The following BMPR1B variants were observed in gnomAD, a reference collection of about 807,000 sequenced individuals.
BMPR1B encodes the protein bone morphogenetic protein receptor type 1B.
BMPR1B carries 12 observed loss-of-function variants against 59.1 expected under a neutral mutation model. That is an observed-to-expected ratio of 0.20 (90% confidence interval 0.13 to 0.33). The LOEUF (loss-of-function observed/expected upper bound fraction) is 0.33, where lower values mean the gene tolerates loss of function less well. Ranked by LOEUF, BMPR1B falls within the 10% of genes least tolerant of loss-of-function variation. BMPR1B has a pLI of 1.00. For synonymous variants in BMPR1B, 237 were observed against 207.3 expected (o/e 1.14, Z -1.23); for missense variants, 550 against 610.9 (o/e 0.90, Z 1.05).
intron 3 of BMPR1B, among the ~76,000 whole-genome samples, chr4:95,057,418 T>A (rs1727012149): frequency 6.6e-6 from 1 of 152,094 alleles, no homozygotes; most frequent in Non-Finnish European, 1.5e-5. Context: ...CTATTTTTGT[T>A]GTATTTTTAG....
chr4:94,890,313 C>G (rs1727340224), intron 2 of BMPR1B, among the ~76,000 whole-genome samples: 1 of 152,050 alleles, frequency 6.6e-6, no homozygotes. Flanking sequence ...AGGTAACCCC[C>G]TCTCCCCCAA....
intron 1 of BMPR1B, among the ~76,000 whole-genome samples, chr4:94,837,071 A>G (rs1163260130): frequency 7.0e-6 from 1 of 143,006 alleles, no homozygotes; most frequent in Non-Finnish European, 1.5e-5. Flanking sequence ...ATAGTTGTAG[A>G]TATGCGGCGT....
chr4:94,769,864 A>G (rs1722107098), intron 1 of BMPR1B, among the ~76,000 whole-genome samples: 1 of 152,246 alleles, frequency 6.6e-6, no homozygotes, highest in East Asian at 1.9e-4. Flanking sequence ...CTCAGTCTAA[A>G]CCACAGTGCT....
chr4:95,048,980 A>G (rs1726238127), intron 3 of BMPR1B, among the ~76,000 whole-genome samples: 1 of 152,204 alleles, frequency 6.6e-6, no homozygotes, highest in Admixed American at 6.5e-5. Flanking sequence ...TTTTTAAAAT[A>G]TTGCTAAATG....
intron 2 of BMPR1B, among the ~76,000 whole-genome samples, chr4:94,992,284 A>T (rs906466193): frequency 6.6e-6 from 1 of 152,262 alleles, no homozygotes; most frequent in African/African-American, 2.4e-5. Context: ...AAATTCAAGC[A>T]GTTCCTTGAG....
At chr4:95,091,907 T>C (rs979625969) in intron 3 of BMPR1B, among the ~76,000 whole-genome samples, 1 of 152,080 alleles carries the variant, frequency 6.6e-6, no homozygotes, top group Non-Finnish European at 1.5e-5. Context: ...ATTTTAACTT[T>C]TGTGTTATGT....
At chr4:94,966,174 C>T (rs997738155) in intron 2 of BMPR1B, among the ~76,000 whole-genome samples, 1 of 152,122 alleles carries the variant, frequency 6.6e-6, no homozygotes, top group African/African-American at 2.4e-5. Context: ...ATACTTAGTA[C>T]TGTGTTGTTT....
At chr4:94,904,381 T>G (rs1222325074) in intron 2 of BMPR1B, among the ~76,000 whole-genome samples, 2 of 152,080 alleles carry the variant, frequency 1.3e-5, no homozygotes, top group African/African-American at 4.8e-5. Context: ...AATGTTAGTC[T>G]GTTATTCTAA....
chr4:95,082,927 A>G (rs1012670401), intron 3 of BMPR1B, among the ~76,000 whole-genome samples: 3 of 149,868 alleles, frequency 2.0e-5, no homozygotes, highest in Non-Finnish European at 4.4e-5. Context: ...AGTCCCAGCT[A>G]CTCAAGAGGC....
rs1350942729 is a variant in BMPR1B, at chr4:95,158,028, G to T, written c.*3355G>T. 3 of 152,092 alleles carry T rather than the reference G, an allele frequency of 2.0e-5. No homozygotes were observed. Among genetic ancestry groups the T allele is most frequent in the Admixed American group, 1.3e-4 (2 of 15,274 alleles). 9.4% of individuals were successfully genotyped at this position (152,092 alleles called of 1,614,324 possible). A position where few individuals can be genotyped will look rare whatever the true frequency, so the allele number is the denominator to read the frequency against. On this transcript the variant is annotated 3_prime_UTR_variant, in exon 13 of 13. Coordinates refer to ENST00000515059, the MANE Select transcript of BMPR1B (RefSeq NM_001203.3). Reference sequence around the variant, plus strand: ...ATTCATTAGAAGTTTTATGTTGTTGGTCTGATCTGATTCTTCTTTGTTTGT... The same window carrying T: ...ATTCATTAGAAGTTTTATGTTGTTGTTCTGATCTGATTCTTCTTTGTTTGT...
chr4:94,835,356 T>C (rs1393055079), intron 1 of BMPR1B, among the ~76,000 whole-genome samples: 1 of 152,120 alleles, frequency 6.6e-6, no homozygotes, highest in Non-Finnish European at 1.5e-5. Context: ...TTTTAAAATA[T>C]AAGATATGAT....
At chr4:94,853,857 C>T (rs767478676) in intron 1 of BMPR1B, among the ~76,000 whole-genome samples, 20 of 152,094 alleles carry the variant, frequency 1.3e-4, no homozygotes, top group South Asian at 4.1e-4. Context: ...AGAATTGCTC[C>T]AATTTTCAGT....
intron 2 of BMPR1B, among the ~76,000 whole-genome samples, chr4:94,958,778 C>T (rs1047178596): frequency 6.6e-6 from 1 of 152,034 alleles, no homozygotes; most frequent in African/African-American, 2.4e-5. Flanking sequence ...TGTCTGGTGT[C>T]ATAATTAGTA....
At chr4:95,094,925 C>A (rs1730253628) in intron 3 of BMPR1B, among the ~76,000 whole-genome samples, 1 of 152,030 alleles carries the variant, frequency 6.6e-6, no homozygotes, top group South Asian at 2.1e-4. Context: ...TGTTCTTTCC[C>A]TACATATGAT....
intron 3 of BMPR1B, among the ~76,000 whole-genome samples, chr4:95,027,853 C>T (rs1368521291): frequency 1.3e-5 from 2 of 152,066 alleles, no homozygotes; most frequent in Non-Finnish European, 2.9e-5. Flanking sequence ...CTGTGTATTA[C>T]TGTCTAGTTG....
rs2149337472 is a variant in BMPR1B at position 95,158,411 on chromosome 4, C to G, written c.*3738C>G. On this transcript the variant is annotated 3_prime_UTR_variant, in exon 13 of 13. Coordinates refer to ENST00000515059, the MANE Select transcript of BMPR1B (RefSeq NM_001203.3). Reference sequence around the variant, plus strand: ...GTATATGGCTTTGTTTTAACATTCCCCTAAATAAAATGGCTTCATTCTCCC... The same window carrying G: ...GTATATGGCTTTGTTTTAACATTCCGCTAAATAAAATGGCTTCATTCTCCC... The G allele has an allele frequency of 6.6e-6, 1 of 152,162 alleles. No homozygotes were observed. Among genetic ancestry groups the G allele is most frequent in the Admixed American group, 6.5e-5 (1 of 15,286 alleles). The allele number at this position is 152,162 out of a possible 1,614,324, so 9.4% of individuals were successfully genotyped here.
At chr4:95,064,733 A>G (rs186579761) in intron 3 of BMPR1B, among the ~76,000 whole-genome samples, 4 of 152,346 alleles carry the variant, frequency 2.6e-5, no homozygotes. Flanking sequence ...ATCTCAGCAG[A>G]CATTTCTCCA....
intron 3 of BMPR1B, among the ~76,000 whole-genome samples, chr4:95,024,314 A>G (rs1724201337): frequency 6.6e-6 from 1 of 152,138 alleles, no homozygotes; most frequent in Non-Finnish European, 1.5e-5. Context: ...AAGTTATTTC[A>G]CGTATTTCAG....
chr4:95,103,358 C>A, intron 3 of BMPR1B: 1 of 792,546 alleles, frequency 1.3e-6, no homozygotes, highest in East Asian at 1.3e-4. Context: ...AATTTTTTAA[C>A]CCAGCAATTT....
Sources: gnomAD v4.1 joint callset for allele counts (sites outside exome capture counted in the v4.1 genomes callset) on GRCh38, gnomAD v4.1.1 for gene constraint, MANE v1.5 for transcripts, NCBI Gene and HGNC (gene_info 2026-07-23, HGNC 2026-07-21) for gene names.